The following BICDL1 variants were observed in gnomAD, a reference collection of about 807,000 sequenced individuals.
BICDL1 encodes BICD family-like cargo adapter 1.
In BICDL1, 20 loss-of-function variants were observed where a neutral mutation model predicts 76.8. The observed-to-expected ratio is 0.26, with a 90% confidence interval of 0.18 to 0.38. BICDL1 has a LOEUF of 0.38. BICDL1 is among the 10% of genes least tolerant of loss of function. The pLI, the probability that BICDL1 is intolerant of heterozygous loss-of-function variation, is 1.00. For synonymous variants in BICDL1, 383 were observed against 337.1 expected (o/e 1.14, Z -1.49); for missense variants, 700 against 798.6 (o/e 0.88, Z 1.49).
At chr12:119,994,689 C>A (rs1050533780) in intron 1 of BICDL1, among the ~76,000 whole-genome samples, 29 of 152,138 alleles carry the variant, frequency 1.9e-4, no homozygotes, top group Non-Finnish European at 8.8e-5. Context: ...GGGGTTTCAC[C>A]ATCTTGGTCA....
chr12:120,089,825 T>C, intron 8 of BICDL1, 126 bp from the exon 9 acceptor site: 1 of 1,090,322 alleles, frequency 9.2e-7, no homozygotes. Flanking sequence ...TTGTTGCAGC[T>C]GCTATTTGTT....
At chr12:119,992,838 T>G (rs1951552957) in intron 1 of BICDL1, 1 of 152,212 alleles carries the variant, frequency 6.6e-6, no homozygotes, top group Admixed American at 6.5e-5. Flanking sequence ...CAGGGTGGTT[T>G]GAAAGAGAAA....
chr12:120,074,148 C>G (rs553621013), intron 6 of BICDL1, among the ~76,000 whole-genome samples: 1 of 152,098 alleles, frequency 6.6e-6, no homozygotes, highest in African/African-American at 2.4e-5. Flanking sequence ...CTCCTGACCT[C>G]GTGATCTGCT....
In BICDL1 at chr12:119,989,290, C is replaced by CCTGCAG. The variant is rs1218583199; in HGVS notation, c.-577_-572dup. ...GCGATGTGGAGCCGCCGCCTCGGCC[C>CCTGCAG]CTGCAGCAGCAGCAGCCGCCGTCGC... On this transcript the variant is annotated 5_prime_UTR_variant, in exon 1 of 10. Coordinates refer to ENST00000548673, the MANE Select transcript of BICDL1 (RefSeq NM_001367886.1). 7.0e-6 allele frequency among the ~76,000 whole-genome samples: 1 copy of CCTGCAG among 143,710 alleles called. No individual in the cohort carries two copies. The highest frequency in any genetic ancestry group is 1.5e-5 in the Non-Finnish European group (1 of 66,460). 94.3% of individuals were successfully genotyped at this position (143,710 alleles called of 152,430 possible). A position where few individuals can be genotyped will look rare whatever the true frequency, so the allele number is the denominator to read the frequency against.
chr12:120,073,534 A>G (rs1873276221), intron 6 of BICDL1, among the ~76,000 whole-genome samples: 2 of 152,184 alleles, frequency 1.3e-5, no homozygotes, highest in African/African-American at 4.8e-5. Context: ...AGATGTGGCC[A>G]CCTGTGGAGG....
Position 119,989,777 on chromosome 12 carries a change from G to C in BICDL1, c.-92G>C. 2.0e-6 allele frequency: 1 copy of C among 504,686 alleles called. No homozygotes were observed. Among genetic ancestry groups the C allele is most frequent in the Non-Finnish European group, 2.5e-6 (1 of 394,860 alleles). The allele number at this position is 504,686 out of a possible 1,614,324, so 31.3% of individuals were successfully genotyped here. On this transcript the variant is annotated 5_prime_UTR_variant, in exon 1 of 10. Transcript: ENST00000548673. The stretch of plus-strand genomic sequence containing the variant: ...CGTGCCGCGGCGCGAGGCGAGGCGC[G>C]GGACGCGGGGCGGCGCGGCAGGGCC...
chr12:120,074,357 C>A, intron 6 of BICDL1, 86 bp from the exon 7 acceptor site: 2 of 899,230 alleles, frequency 2.2e-6, no homozygotes, highest in Non-Finnish European at 2.7e-6. Context: ...CTCTCCTTCT[C>A]TCCCCGACTA....
intron 2 of BICDL1, among the ~76,000 whole-genome samples, chr12:120,005,293 AT>A (rs1182646751): frequency 1.3e-5 from 2 of 151,914 alleles, no homozygotes; most frequent in African/African-American, 2.4e-5. Context: ...TTTGGTGTTA[AT>A]TTTTTTTGTA....
chr12:120,084,436 T>C (rs1170899316), intron 8 of BICDL1, among the ~76,000 whole-genome samples: 1 of 152,212 alleles, frequency 6.6e-6, no homozygotes, highest in East Asian at 1.9e-4. Context: ...CCACCTCAAG[T>C]CTTCTGATTC....
Position 120,071,616 on chromosome 12 carries a change from T to C in BICDL1, c.910-6T>C, listed in dbSNP as rs747416012. 6.2e-7 allele frequency: 1 copy of C among 1,601,276 alleles called. No individual in the cohort carries two copies. The highest frequency in any genetic ancestry group is 8.5e-7 in the Non-Finnish European group (1 of 1,173,920). On this transcript the variant is annotated splice_region_variant and splice_polypyrimidine_tract_variant and intron_variant, in intron 4 of 9. Transcript: ENST00000548673. This position sits in a 1 kb window ranked among gnomAD's most constrained non-coding sequence, Gnocchi z 4.8. ...AAACCTCAACCATTTGCTCTTTCTTTGAAAGCTGCACCAAAGCCAGCTGGA... is the reference window on the plus strand; with the variant it reads ...AAACCTCAACCATTTGCTCTTTCTTCGAAAGCTGCACCAAAGCCAGCTGGA...
At chr12:120,040,958 G>A (rs1952630635) in intron 2 of BICDL1, among the ~76,000 whole-genome samples, 1 of 151,924 alleles carries the variant, frequency 6.6e-6, no homozygotes, top group South Asian at 2.1e-4. Flanking sequence ...TGTTGGCCAG[G>A]ATGGTCTCAA....
chr12:119,990,244 G>A lies in BICDL1; in HGVS notation c.376G>A (p.Asp126Asn), dbSNP rs1219167092. 11 of 1,577,822 alleles carry A rather than the reference G, an allele frequency of 7.0e-6. No homozygotes were observed. Among genetic ancestry groups the A allele is most frequent in the Admixed American group, 1.8e-5 (1 of 54,776 alleles). Residue 126 changes from aspartate (D) to asparagine (N), a missense_variant, in exon 1 of 10, where the codon GAC becomes AAC. Asp to Asn is a conservative substitution (Grantham distance 23). Coordinates refer to ENST00000548673, the MANE Select transcript of BICDL1 (RefSeq NM_001367886.1). ...TAAGGCGCTGCTCGAGAGGAACCAG[G>A]ACATGAGCCGGCAGTACGAGCAGAT... ...LGKALLERNQ[D>N]MSRQYEQMHK... is the part of the protein sequence containing the mutation.
chr12:120,092,882 C>T, intron 9 of BICDL1, 118 bp from the exon 10 acceptor site: 1 of 1,456,312 alleles, frequency 6.9e-7, no homozygotes, highest in Non-Finnish European at 9.1e-7. Flanking sequence ...CCGGCTGCAG[C>T]CTCTCACTCA....
intron 2 of BICDL1, among the ~76,000 whole-genome samples, chr12:120,003,158 T>TAAAA (rs747568511): frequency 1.5e-5 from 2 of 136,654 alleles, no homozygotes. Flanking sequence ...ACCCCATCTT[T>TAAAA]AAAAAAAAAA....
chr12:120,017,037 C>G (rs760998186), intron 2 of BICDL1, among the ~76,000 whole-genome samples: 4 of 152,154 alleles, frequency 2.6e-5, no homozygotes, highest in African/African-American at 4.8e-5. Flanking sequence ...GCTGGGACTA[C>G]AGGCACCCGC....
chr12:119,996,666 A>T (rs1821883353), intron 1 of BICDL1, among the ~76,000 whole-genome samples: 1 of 135,904 alleles, frequency 7.4e-6, no homozygotes, highest in Non-Finnish European at 1.5e-5. Flanking sequence ...AACCCAGTAT[A>T]TATACATATA....
chr12:120,091,234 C>T (rs1874934252), intron 9 of BICDL1: 4 of 1,155,814 alleles, frequency 3.5e-6, no homozygotes, highest in Non-Finnish European at 4.3e-6. Flanking sequence ...CGGCTGGTGC[C>T]GTCTTCTCAT....
At chr12:119,995,747 G>T (rs1056539826) in intron 1 of BICDL1, among the ~76,000 whole-genome samples, 76 of 152,154 alleles carry the variant, frequency 5.0e-4, no homozygotes, top group Admixed American at 2.6e-4. Flanking sequence ...AGCACTTTGG[G>T]AGGCCGAGGC....
intron 2 of BICDL1, among the ~76,000 whole-genome samples, chr12:120,016,361 T>C (rs1018014983): frequency 6.6e-6 from 1 of 152,072 alleles, no homozygotes; most frequent in Non-Finnish European, 1.5e-5. Context: ...CATGTACAAG[T>C]CTTTGGACTT....
Sources: gnomAD v4.1 joint callset for allele counts (sites outside exome capture counted in the v4.1 genomes callset) on GRCh38, gnomAD v4.1.1 for gene constraint, Gnocchi (gnomAD v3.1) non-coding constraint, MANE v1.5 for transcripts, NCBI Gene and HGNC (gene_info 2026-07-23, HGNC 2026-07-21) for gene names.